Variants in ETFA observed in about 807,000 individuals in gnomAD.
ETFA encodes electron transfer flavoprotein subunit alpha, mitochondrial.
Under a neutral mutation model 46.2 loss-of-function variants are expected in ETFA, and 22 were observed. That is an observed-to-expected ratio of 0.48 (90% confidence interval 0.34 to 0.68). The LOEUF is 0.68. Among genes scored for constraint, ETFA ranks in the 30% least tolerant of loss-of-function variants. The pLI is 0.01. For missense variants in ETFA, 345 were observed against 401.1 expected, an observed-to-expected ratio of 0.86 and a Z score of 1.19; for synonymous variants, 131 against 139.9, an observed-to-expected ratio of 0.94 and a Z score of 0.45.
chr15:76,310,898 G>A (rs370945290), intron 1 of ETFA, among the ~76,000 whole-genome samples: 19 of 146,276 alleles, frequency 1.3e-4, no homozygotes, highest in African/African-American at 4.9e-4. Context: ...GCCACGATGC[G>A]CCCAAAGTGT....
rs113334910 is a variant in ETFA at position 76,275,247 on chromosome 15, A to G, written c.734-753T>C. On this transcript the variant is annotated intron_variant, in intron 8 of 11. Transcript: ENST00000557943. Reference sequence around the variant, plus strand: ...AATCTCCCATATTCCTAACCCTTACACTGTGATTTCTGGAATATGGAGCCC... The same window carrying G: ...AATCTCCCATATTCCTAACCCTTACGCTGTGATTTCTGGAATATGGAGCCC... 2.4e-3 allele frequency among the ~76,000 whole-genome samples: 359 copies of G among 152,086 alleles called. 3 individuals are homozygous for G. The highest frequency in any genetic ancestry group is 8.1e-3 in the African/African-American group (334 of 41,482).
At chr15:76,277,341 T>G (rs1452728838) in intron 8 of ETFA, among the ~76,000 whole-genome samples, 1 of 152,172 alleles carries the variant, frequency 6.6e-6, no homozygotes, top group Non-Finnish European at 1.5e-5. Flanking sequence ...AACAGAATGC[T>G]CTGGCATATT....
At chr15:76,235,330 A>G (rs1419357103) in intron 9 of ETFA, among the ~76,000 whole-genome samples, 3 of 152,182 alleles carry the variant, frequency 2.0e-5, no homozygotes, top group Non-Finnish European at 4.4e-5. Flanking sequence ...CAGGCTGCAC[A>G]CTGAATAACT....
At chr15:76,302,557 C>T (rs1488475101) in intron 1 of ETFA, among the ~76,000 whole-genome samples, 1 of 124,064 alleles carries the variant, frequency 8.1e-6, no homozygotes, top group African/African-American at 3.2e-5. Flanking sequence ...GGAGTGGGGG[C>T]GGGGGCAGTG....
At chr15:76,223,205 G>GTAC in intron 11 of ETFA, among the ~76,000 whole-genome samples, 1 of 141,406 alleles carries the variant, frequency 7.1e-6, no homozygotes, top group African/African-American at 2.6e-5. Context: ...ATATATAACT[G>GTAC]TACTTCAGAA....
intron 9 of ETFA, among the ~76,000 whole-genome samples, chr15:76,235,309 G>A (rs1394195357): frequency 6.6e-6 from 1 of 152,172 alleles, no homozygotes; most frequent in Non-Finnish European, 1.5e-5. Flanking sequence ...GGACTACCAT[G>A]TACAGCTGAG....
At chr15:76,290,528 T>C (rs2039751120) in intron 4 of ETFA, among the ~76,000 whole-genome samples, 1 of 151,880 alleles carries the variant, frequency 6.6e-6, no homozygotes, top group African/African-American at 2.4e-5. Flanking sequence ...TTTTTCATTT[T>C]TTTGTAGAGA....
At chr15:76,259,041 T>A (rs1321571882) in intron 9 of ETFA, 1 of 1,606,258 alleles carries the variant, frequency 6.2e-7, no homozygotes, top group Non-Finnish European at 8.5e-7. Flanking sequence ...CCTCTGTGTC[T>A]CATTGAGGGG....
At chr15:76,308,864 G>A (rs975660093) in intron 1 of ETFA, among the ~76,000 whole-genome samples, 2 of 152,032 alleles carry the variant, frequency 1.3e-5, no homozygotes, top group Non-Finnish European at 2.9e-5. Flanking sequence ...AGGAGTAAAG[G>A]GCACATTTGC....
rs1282626705 is a variant in ETFA, at chr15:76,296,005, G to A, written c.40-268C>T. ...CGCCCAGGCTGGAGTGCAGTGGCGC[G>A]TGCGACCATGGCTCACTGCAAGCTC... On this transcript the variant is annotated intron_variant, in intron 1 of 11. Transcript: ENST00000557943. 6.3e-5 allele frequency among the ~76,000 whole-genome samples: 4 copies of A among 63,102 alleles called. 1 individual carries two copies. The highest frequency in any genetic ancestry group is 1.0e-4 in the African/African-American group (2 of 19,240). The allele number at this position is 63,102 out of a possible 152,430, so 41.4% of individuals were successfully genotyped here. A position where few individuals can be genotyped will look rare whatever the true frequency, so the allele number is the denominator to read the frequency against.
chr15:76,244,475 CTCT>C lies in ETFA; in HGVS notation c.817-13080_817-13078del, dbSNP rs1349485781. 7.2e-5 allele frequency among the ~76,000 whole-genome samples: 11 copies of C among 152,180 alleles called. No individual in the cohort carries two copies. In the East Asian group the frequency reaches 7.7e-4, roughly 11 times the overall value. ...TATATAGTTAAACGATGTTATTAAA[CTCT>C]TCTTCTCTACACCTCAGTGCTTGTA... On this transcript the variant is annotated intron_variant, in intron 9 of 11. Transcript: ENST00000557943.
rs1168875914 is a variant in ETFA, at chr15:76,274,474, C to G, written c.754G>C (p.Val252Leu). The change falls in exon 9 of 12, where the codon GTT (valine) becomes CTT (leucine). Residue 252 changes from valine to leucine, a missense_variant. Val to Leu is a conservative substitution (Grantham distance 32, BLOSUM62 1). Transcript: ENST00000557943. ...TCATTGGGAACAAAGCCAGCATCAA[C>G]AGCAGCACGGGAAGCACCAACTAAG... is the stretch of plus-strand genomic sequence containing the variant. ...HAAVGASRAA[V>L]DAGFVPNDMQ... 6.2e-7 allele frequency: 1 copy of G among 1,612,460 alleles called. No homozygotes were observed. Among genetic ancestry groups the G allele is most frequent in the South Asian group, 1.1e-5 (1 of 90,742 alleles).
At chr15:76,249,709 G>A (rs1306966375) in intron 9 of ETFA, among the ~76,000 whole-genome samples, 9 of 152,056 alleles carry the variant, frequency 5.9e-5, no homozygotes, top group Admixed American at 5.9e-4. Context: ...CCAAAGTGCT[G>A]GGATTACAGG....
intron 11 of ETFA, among the ~76,000 whole-genome samples, chr15:76,223,964 T>C (rs1438002602): frequency 6.6e-6 from 1 of 152,228 alleles, no homozygotes. Context: ...TAATACATAG[T>C]ACACAGGCAG....
intron 9 of ETFA, chr15:76,261,006 G>T (rs1477818790): frequency 1.9e-6 from 3 of 1,609,788 alleles, no homozygotes; most frequent in Non-Finnish European, 2.5e-6. Flanking sequence ...GGAAAGCTTT[G>T]TCACGGTGAT....
In ETFA at chr15:76,295,700, G is replaced by A. The variant is rs1389901296; in HGVS notation, c.77C>T (p.Ala26Val). 3 of 1,611,940 alleles carry A rather than the reference G, an allele frequency of 1.9e-6. No individual in the cohort carries two copies. The Admixed American group carries it at 5.0e-5, about 27-fold the overall frequency. Residue 26 changes from alanine (A) to valine (V), a missense_variant, in exon 2 of 12, where the codon GCT becomes GTT. Coordinates refer to ENST00000557943, the MANE Select transcript of ETFA (RefSeq NM_000126.4). Reference sequence around the variant, plus strand: ...TGCTAGGGAATCATTTGCATGCTCAGCTATTACCAGGGTACTCTGAAATCG... The same window carrying A: ...TGCTAGGGAATCATTTGCATGCTCAACTATTACCAGGGTACTCTGAAATCG... ...LLRFQSTLVI[A>V]EHANDSLAPI...
chr15:76,228,238 G>A, intron 10 of ETFA: 1 of 346,648 alleles, frequency 2.9e-6, no homozygotes, highest in Non-Finnish European at 5.6e-6. Flanking sequence ...TCAGGCTGGA[G>A]TGCAGTGGTA....
chr15:76,273,434 T>A (rs2039559963), intron 9 of ETFA, among the ~76,000 whole-genome samples: 1 of 151,974 alleles, frequency 6.6e-6, no homozygotes, highest in South Asian at 2.1e-4. Context: ...TGGGCGCCTG[T>A]AATCCCAGCC....
Position 76,263,400 on chromosome 15 carries a change from G to A in ETFA, c.816+11012C>T, listed in dbSNP as rs140072738. Reference sequence around the variant, plus strand: ...AGCATGTGAAAGCGGAGGATGCATCGTCAGAGGACACCCAGGGACGACTGA... The same window carrying A: ...AGCATGTGAAAGCGGAGGATGCATCATCAGAGGACACCCAGGGACGACTGA... On this transcript the variant is annotated intron_variant, in intron 9 of 11. Coordinates refer to ENST00000557943, the MANE Select transcript of ETFA (RefSeq NM_000126.4). 3.1e-4 allele frequency among the ~76,000 whole-genome samples: 47 copies of A among 152,338 alleles called. 1 individual carries two copies. In the East Asian group the frequency reaches 7.9e-3, roughly 26 times the overall value.
Sources: allele counts gnomAD v4.1 joint callset (sites outside exome capture counted in the v4.1 genomes callset), GRCh38; gene constraint gnomAD v4.1.1; transcripts MANE v1.5; gene names NCBI Gene and HGNC (gene_info 2026-07-23, HGNC 2026-07-21).